The following PRKN variants were observed in gnomAD, a reference collection of about 807,000 sequenced individuals.
PRKN encodes the protein E3 ubiquitin-protein ligase parkin.
PRKN carries 56 observed loss-of-function variants against 59.5 expected under a neutral mutation model. The ratio of observed to expected loss-of-function variants is 0.94; its 90% confidence interval spans 0.76 to 1.18. The LOEUF is 1.18. Ranked by LOEUF, PRKN falls within the 50% of genes most tolerant of loss-of-function variation. PRKN has a pLI of 0.00. For synonymous variants in PRKN, 250 were observed against 222.1 expected (o/e 1.13, Z -1.12); for missense variants, 657 against 596.4 (o/e 1.10, Z -1.06).
chr6:162,172,907 G>C (rs929922764), intron 4 of PRKN, among the ~76,000 whole-genome samples: 1 of 152,132 alleles, frequency 6.6e-6, no homozygotes, highest in Admixed American at 6.6e-5. Flanking sequence ...AGAAGAAAGA[G>C]GAAGAAGGGG....
chr6:162,607,071 G>C (rs528773377), intron 1 of PRKN, among the ~76,000 whole-genome samples: 1 of 152,222 alleles, frequency 6.6e-6, no homozygotes, highest in East Asian at 1.9e-4. Flanking sequence ...TGGGTGGGTG[G>C]GAGAAGAGAT....
intron 3 of PRKN, among the ~76,000 whole-genome samples, chr6:162,248,366 G>A (rs1405432760): frequency 6.6e-6 from 1 of 152,112 alleles, no homozygotes; most frequent in African/African-American, 2.4e-5. Flanking sequence ...TTTTACACTC[G>A]TCATTCTGAT....
rs115798525 is a variant in PRKN at position 162,128,740 on chromosome 6, C to T, written c.534+72391G>A. On this transcript the variant is annotated intron_variant, in intron 4 of 11. Coordinates refer to ENST00000366898, the MANE Select transcript of PRKN (RefSeq NM_004562.3). Reference sequence around the variant, plus strand: ...TTGGGAAGTGATTAGGTCACAAGGGCAGAGCCCTCATGGATGGGATTAGGG... The same window carrying T: ...TTGGGAAGTGATTAGGTCACAAGGGTAGAGCCCTCATGGATGGGATTAGGG... 1.6e-3 allele frequency among the ~76,000 whole-genome samples: 241 copies of T among 152,300 alleles called. 1 individual carries two copies. The highest frequency in any genetic ancestry group is 5.3e-3 in the African/African-American group (219 of 41,568).
Position 162,201,155 on chromosome 6 carries a change from C to T in PRKN, c.510G>A (p.Arg170=). The T allele has an allele frequency of 1.2e-6, 2 of 1,614,124 alleles. No homozygotes were observed. Among genetic ancestry groups the T allele is most frequent in the South Asian group, 1.1e-5 (1 of 91,074 alleles). ...CCTGGGTCAAGGTGAGCGTTGCCTG[C>T]CTGCAGGTGCTGCACTGTACCCTGA... The part of the protein sequence containing the change: ...GKLRVQCSTC[R]QATLTLTQGP... The change falls in exon 4 of 12, where the codon AGG becomes AGA. Residue 170 remains arginine (R), a synonymous_variant. Coordinates refer to ENST00000366898, the MANE Select transcript of PRKN (RefSeq NM_004562.3).
intron 4 of PRKN, among the ~76,000 whole-genome samples, chr6:162,084,028 A>G (rs1014111514): frequency 6.6e-6 from 1 of 152,134 alleles, no homozygotes; most frequent in African/African-American, 2.4e-5. Context: ...GAATTGAAAT[A>G]CACATAGCAT....
At position 161,584,550 on chromosome 6, in the gene PRKN, C is replaced by T. The variant is rs1024298374; in HGVS notation, c.872-15134G>A. Among the ~76,000 whole-genome samples, 1 of 152,118 alleles carries T rather than the reference C, an allele frequency of 6.6e-6. No homozygotes were observed. Among genetic ancestry groups the T allele is most frequent in the Non-Finnish European group, 1.5e-5 (1 of 68,014 alleles). Reference sequence around the variant, plus strand: ...TTTTAACATATCCCCCTTACACTTGCCATCCAAAGGTAAAAAGAAATGATG... The same window carrying T: ...TTTTAACATATCCCCCTTACACTTGTCATCCAAAGGTAAAAAGAAATGATG... On this transcript the variant is annotated intron_variant, in intron 7 of 11. Coordinates refer to ENST00000366898, the MANE Select transcript of PRKN (RefSeq NM_004562.3). This position sits in a 1 kb window ranked among gnomAD's most constrained non-coding sequence, Gnocchi z 4.8.
chr6:161,435,327 TA>T (rs1788831426), intron 9 of PRKN, among the ~76,000 whole-genome samples: 1 of 152,180 alleles, frequency 6.6e-6, no homozygotes, highest in African/African-American at 2.4e-5. Context: ...ACTCTATTTT[TA>T]TCAAGCCATG....
chr6:162,107,931 C>CA (rs1780262732), intron 4 of PRKN, among the ~76,000 whole-genome samples: 1 of 151,922 alleles, frequency 6.6e-6, no homozygotes, highest in Non-Finnish European at 1.5e-5. Context: ...AATTTATTTG[C>CA]AAAAGAAAGG....
intron 4 of PRKN, among the ~76,000 whole-genome samples, chr6:162,141,242 T>G (rs1193820064): frequency 1.3e-5 from 2 of 152,322 alleles, no homozygotes; most frequent in Non-Finnish European, 2.9e-5. Flanking sequence ...ACTTTGACTT[T>G]CATGCAACTT....
intron 4 of PRKN, among the ~76,000 whole-genome samples, chr6:162,172,824 T>A (rs1350130119): frequency 6.6e-6 from 1 of 152,142 alleles, no homozygotes; most frequent in Non-Finnish European, 1.5e-5. Context: ...AGCCAATGGG[T>A]GCCTCGGTGG....
At chr6:161,573,422 T>TA (rs1780970884) in intron 7 of PRKN, among the ~76,000 whole-genome samples, 3 of 152,132 alleles carry the variant, frequency 2.0e-5, no homozygotes, top group East Asian at 1.9e-4. Flanking sequence ...CATATTGTCT[T>TA]AAAAATAATT....
At chr6:162,358,959 C>T (rs1442144515) in intron 2 of PRKN, among the ~76,000 whole-genome samples, 1 of 149,302 alleles carries the variant, frequency 6.7e-6, no homozygotes, top group South Asian at 2.1e-4. Flanking sequence ...ACTGAGGAGA[C>T]TGAGTCAGGA....
At chr6:162,653,169 G>T (rs1025627419) in intron 1 of PRKN, among the ~76,000 whole-genome samples, 5 of 152,162 alleles carry the variant, frequency 3.3e-5, no homozygotes, top group Non-Finnish European at 7.3e-5. Flanking sequence ...CATTGTTTTT[G>T]GATTCAGGAA....
intron 7 of PRKN, among the ~76,000 whole-genome samples, chr6:161,597,593 C>T (rs1193344025): frequency 1.3e-5 from 2 of 151,724 alleles, no homozygotes; most frequent in Admixed American, 6.6e-5. Context: ...TCCTGCCTTG[C>T]TGCCCTCCAC....
intron 5 of PRKN, among the ~76,000 whole-genome samples, chr6:162,010,252 TAA>T (rs1392512974): frequency 3.3e-5 from 4 of 123,010 alleles, no homozygotes; most frequent in African/African-American, 5.9e-5. Flanking sequence ...TTATTATACA[TAA>T]TATATATTTT....
chr6:162,234,041 T>C (rs1226276387), intron 3 of PRKN, among the ~76,000 whole-genome samples: 1 of 152,160 alleles, frequency 6.6e-6, no homozygotes, highest in Non-Finnish European at 1.5e-5. Context: ...CAAAAATAAA[T>C]ATGTGATTTT....
intron 7 of PRKN, among the ~76,000 whole-genome samples, chr6:161,719,932 C>T (rs1362762139): frequency 1.3e-5 from 2 of 152,202 alleles, no homozygotes; most frequent in African/African-American, 2.4e-5. Context: ...GCACCCAGCC[C>T]GCTGTTCTAA....
rs960899032 is a variant in PRKN, at chr6:161,405,788, CAG to C, written c.1084-18913_1084-18912del. Among the ~76,000 whole-genome samples, 3 of 151,966 alleles carry C rather than the reference CAG, an allele frequency of 2.0e-5. No homozygotes were observed. The highest frequency in any genetic ancestry group is 2.1e-4 in the South Asian group (1 of 4,816). ...CGTTGGGCCATTTGAGAAGTGGCAA[CAG>C]GGGATCAGCAGAAGGGTTAACTGCC... On this transcript the variant is annotated intron_variant, in intron 9 of 11. Transcript: ENST00000366898. The surrounding 1 kb of genome is among the most constrained non-coding windows in gnomAD (Gnocchi z 5.1).
intron 1 of PRKN, among the ~76,000 whole-genome samples, chr6:162,569,936 T>C (rs987512394): frequency 1.3e-5 from 2 of 151,186 alleles, no homozygotes; most frequent in African/African-American, 4.9e-5. Flanking sequence ...TTTATTTTTT[T>C]CCCCCCAAAA....
Sources: gnomAD v4.1 joint callset for allele counts (sites outside exome capture counted in the v4.1 genomes callset) on GRCh38, gnomAD v4.1.1 for gene constraint, Gnocchi (gnomAD v3.1) non-coding constraint, MANE v1.5 for transcripts, NCBI Gene and HGNC (gene_info 2026-07-23, HGNC 2026-07-21) for gene names.